The following LMNTD1 variants were observed in gnomAD, a reference collection of about 807,000 sequenced individuals.
LMNTD1 encodes the protein lamin tail domain containing 1.
In LMNTD1, 35 loss-of-function variants were observed where a neutral mutation model predicts 50.9. The observed-to-expected ratio is 0.69, with a 90% confidence interval of 0.53 to 0.91. The LOEUF is 0.91. LMNTD1 is among the 40% of genes least tolerant of loss of function. The probability of loss-of-function intolerance (pLI) is 0.00; values close to 1 mark genes in which losing one functional copy is unlikely to be tolerated. For missense variants in LMNTD1, 470 were observed against 475.5 expected, an observed-to-expected ratio of 0.99 and a Z score of 0.11; for synonymous variants, 153 against 161.9, an observed-to-expected ratio of 0.94 and a Z score of 0.42.
At chr12:25,507,596 TAG>T (rs1300471973) in intron 8 of LMNTD1, among the ~76,000 whole-genome samples, 1 of 152,244 alleles carries the variant, frequency 6.6e-6, no homozygotes, top group African/African-American at 2.4e-5. Context: ...GTGGCAGCTC[TAG>T]CCCCATGGTC....
At chr12:25,500,771 G>A (rs1002354706) in intron 9 of LMNTD1, among the ~76,000 whole-genome samples, 6 of 152,094 alleles carry the variant, frequency 3.9e-5, no homozygotes, top group African/African-American at 1.2e-4. Flanking sequence ...CTTAACTTGC[G>A]AAAAGTTCTG....
intron 9 of LMNTD1, among the ~76,000 whole-genome samples, chr12:25,492,134 G>A (rs1938904259): frequency 1.3e-5 from 2 of 152,164 alleles, no homozygotes; most frequent in Admixed American, 1.3e-4. Flanking sequence ...AAACCAGCAG[G>A]ACAAGTTTAG....
chr12:25,640,787 C>G (rs962859532), intron 1 of LMNTD1, among the ~76,000 whole-genome samples: 1 of 151,974 alleles, frequency 6.6e-6, no homozygotes, highest in Non-Finnish European at 1.5e-5. Context: ...CTAAGCCTCC[C>G]GAGTAGCTGG....
chr12:25,544,839 A>G (rs1352190296), intron 4 of LMNTD1, among the ~76,000 whole-genome samples: 1 of 151,828 alleles, frequency 6.6e-6, no homozygotes, highest in Admixed American at 6.6e-5. Flanking sequence ...AAGAAAGAAT[A>G]GAAACAAAGA....
At chr12:25,572,693 G>A (rs1368116437) in intron 1 of LMNTD1, among the ~76,000 whole-genome samples, 2 of 152,024 alleles carry the variant, frequency 1.3e-5, no homozygotes, top group Non-Finnish European at 1.5e-5. Flanking sequence ...TGCAGACTTA[G>A]AACAAAGACC....
At position 25,639,339 on chromosome 12, in the gene LMNTD1, T is replaced by C. The variant is rs555680297; in HGVS notation, c.58+9155A>G. Among the ~76,000 whole-genome samples the C allele has an allele frequency of 2.0e-5, 3 of 152,222 alleles. No individual in the cohort carries two copies. In the East Asian group the frequency reaches 5.8e-4, roughly 29 times the overall value. On this transcript the variant is annotated intron_variant, in intron 1 of 7. Coordinates refer to the LMNTD1 transcript ENST00000445693. Reference sequence around the variant, plus strand: ...ATTTGACTTCATCAAAATTGAAAACTTTTTTGCTACAAGGAATACCATCAA... The same window carrying C: ...ATTTGACTTCATCAAAATTGAAAACCTTTTTGCTACAAGGAATACCATCAA...
chr12:25,619,210 C>T (rs1237278496), intron 1 of LMNTD1, among the ~76,000 whole-genome samples: 2 of 141,354 alleles, frequency 1.4e-5, no homozygotes, highest in Non-Finnish European at 3.0e-5. Flanking sequence ...GGGATACATG[C>T]TTTTCAACTC....
intron 1 of LMNTD1, among the ~76,000 whole-genome samples, chr12:25,573,742 C>A (rs1052812577): frequency 6.6e-6 from 1 of 152,142 alleles, no homozygotes; most frequent in African/African-American, 2.4e-5. Context: ...TCCTTTTCCT[C>A]GCGGCTTGAT....
At chr12:25,629,604 A>C (rs775879721) in intron 1 of LMNTD1, among the ~76,000 whole-genome samples, 1 of 152,184 alleles carries the variant, frequency 6.6e-6, no homozygotes, top group Non-Finnish European at 1.5e-5. Flanking sequence ...GATTAGGCAG[A>C]CTGTAAAAAC....
At chr12:25,484,884 T>C (rs1345280943) in intron 9 of LMNTD1, among the ~76,000 whole-genome samples, 1 of 147,496 alleles carries the variant, frequency 6.8e-6, no homozygotes, top group African/African-American at 2.5e-5. Context: ...TGTGCCACAT[T>C]TTCTTAATCC....
intron 1 of LMNTD1, among the ~76,000 whole-genome samples, chr12:25,593,391 T>C (rs929995024): frequency 6.6e-6 from 1 of 152,188 alleles, no homozygotes; most frequent in African/African-American, 2.4e-5. Flanking sequence ...CAGGACTCTC[T>C]GCAGACAACC....
chr12:25,565,207 G>A (rs1361468113), intron 1 of LMNTD1, among the ~76,000 whole-genome samples: 3 of 151,900 alleles, frequency 2.0e-5, no homozygotes, highest in African/African-American at 2.4e-5. Flanking sequence ...TTATAACTAA[G>A]AACTGACTTC....
At chr12:25,578,947 C>T (rs12318902) in intron 1 of LMNTD1, among the ~76,000 whole-genome samples, 9,044 of 152,216 alleles carry the variant, frequency 0.059, 453 homozygotes, top group African/African-American at 0.14. Flanking sequence ...TTAAGCTGAT[C>T]TAATTTAGGC....
In LMNTD1 at chr12:25,509,091, T is replaced by C. The variant is rs368569488; in HGVS notation, c.1190-5291A>G. Reference sequence around the variant, plus strand: ...AAATTATATATGTTTAACTGAATTATAATGAAAGTATGACATATATCTTTT... The same window carrying C: ...AAATTATATATGTTTAACTGAATTACAATGAAAGTATGACATATATCTTTT... On this transcript the variant is annotated intron_variant, in intron 8 of 9. Coordinates refer to ENST00000458174, the MANE Select transcript of LMNTD1 (RefSeq NM_001145728.2). Among the ~76,000 whole-genome samples the C allele has an allele frequency of 7.2e-5, 11 of 152,316 alleles. No individual in the cohort carries two copies. In the South Asian group the frequency reaches 2.3e-3, roughly 32 times the overall value.
At position 25,538,241 on chromosome 12, in the gene LMNTD1, C is replaced by T. The variant is rs1198969983; in HGVS notation, c.491+8133G>A. The stretch of plus-strand genomic sequence containing the variant: ...CAGAGAACGCCACAAAGATACTCCT[C>T]GAGACGAGCAACTCCAAGACACATA... On this transcript the variant is annotated intron_variant, in intron 4 of 9. Transcript: ENST00000458174. Among the ~76,000 whole-genome samples the T allele has an allele frequency of 2.0e-4, 17 of 85,418 alleles. 1 individual carries two copies. The highest frequency in any genetic ancestry group is 5.5e-4 in the African/African-American group (15 of 27,164). The allele number at this position is 85,418 out of a possible 152,430, so 56.0% of individuals were successfully genotyped here.
At position 25,549,370 on chromosome 12, in the gene LMNTD1, G is replaced by T; in HGVS notation, c.266C>A (p.Ser89Tyr). The change falls in exon 3 of 10, where the codon TCT becomes TAT. Residue 89 changes from serine (S) to tyrosine (Y), a missense_variant. Transcript: ENST00000458174. Reference sequence around the variant, plus strand: ...GGAACAGCTACCTACAGTAGCTTTAGAAGTCAATTGTCCAGTTGTTGATAT... The same window carrying T: ...GGAACAGCTACCTACAGTAGCTTTATAAGTCAATTGTCCAGTTGTTGATAT... The part of the protein sequence containing the change: ...VTISTTGQLT[S>Y]KATVGSCSRV... The T allele has an allele frequency of 6.2e-7, 1 of 1,612,440 alleles. No individual in the cohort carries two copies. The highest frequency in any genetic ancestry group is 1.1e-5 in the South Asian group (1 of 90,898).
chr12:25,622,376 A>C (rs1199543082), intron 1 of LMNTD1, among the ~76,000 whole-genome samples: 1 of 151,892 alleles, frequency 6.6e-6, no homozygotes, highest in Non-Finnish European at 1.5e-5. Context: ...CAGCCTGTGA[A>C]CTGCAGAGTT....
At chr12:25,513,161 G>T (rs1940436757) in intron 8 of LMNTD1, among the ~76,000 whole-genome samples, 1 of 152,192 alleles carries the variant, frequency 6.6e-6, no homozygotes, top group African/African-American at 2.4e-5. Flanking sequence ...TGAATGCTCA[G>T]TGGTGACTTT....
chr12:25,648,245 C>A (rs181997912), intron 1 of LMNTD1, among the ~76,000 whole-genome samples: 5 of 152,304 alleles, frequency 3.3e-5, no homozygotes, highest in Admixed American at 1.3e-4. Context: ...GTTCCTGCTA[C>A]ACATACCATT....
Sources: gnomAD v4.1 joint callset for allele counts (sites outside exome capture counted in the v4.1 genomes callset) on GRCh38, gnomAD v4.1.1 for gene constraint, MANE v1.5 for transcripts, NCBI Gene and HGNC (gene_info 2026-07-23, HGNC 2026-07-21) for gene names.